The following LZTR1 variants were observed in gnomAD, a reference collection of about 807,000 sequenced individuals.
The protein encoded by LZTR1 is leucine zipper like post translational regulator 1.
A neutral mutation model predicts 105.7 loss-of-function variants in LZTR1; 260 were observed. The observed-to-expected ratio is 2.46, with a 90% CI of 2.22 to 2.72. The LOEUF (loss-of-function observed/expected upper bound fraction) is 2.72, where lower values mean the gene tolerates loss of function less well. Among genes scored for constraint, LZTR1 ranks in the 30% most tolerant of loss-of-function variants. LZTR1 has a pLI of 0.00. For synonymous variants in LZTR1, 490 were observed against 476.4 expected, an observed-to-expected ratio of 1.03 and a Z score of -0.37; for missense variants, 1,214 against 1,166.9, an observed-to-expected ratio of 1.04 and a Z score of -0.59.
rs1456975132 is a variant in LZTR1 at position 20,994,151 on chromosome 22, G to T, written c.1497G>T (p.Val499=). ...AAPVPREAPG[V]AAGGARPPLL... ...CAGTTCCCAGGGAGGCCCCCGGCGT[G>T]GCTGCTGGTGGGGCCCGGCCGCCCC... The change falls in exon 14 of 21, where the codon GTG becomes GTT. Residue 499 remains valine (V), a synonymous_variant. Transcript: ENST00000646124. The T allele has an allele frequency of 6.3e-7, 1 of 1,595,780 alleles. No individual in the cohort carries two copies. Among genetic ancestry groups the T allele is most frequent in the Admixed American group, 1.7e-5 (1 of 58,274 alleles).
At position 20,992,886 on chromosome 22, in the gene LZTR1, G is replaced by A. The variant is rs1249544527; in HGVS notation, c.1242G>A (p.Gly414=). 3.7e-6 allele frequency: 6 copies of A among 1,605,420 alleles called. No individual in the cohort carries two copies. The highest frequency in any genetic ancestry group is 8.5e-7 in the Non-Finnish European group (1 of 1,175,522). The change falls in exon 11 of 21, where the codon GGG becomes GGA. Residue 414 remains glycine, a synonymous_variant. Transcript: ENST00000646124. ...CGGTGGACAACAACATCCGCAGCGG[G>A]GAGATGTACAGGTTCCAGGTGTGGG... ...GGTVDNNIRS[G]EMYRFQFSCY...
intron 15 of LZTR1, 50 bp from the exon 16 acceptor site, chr22:20,994,820 C>T: frequency 6.2e-7 from 1 of 1,610,656 alleles, no homozygotes; most frequent in Non-Finnish European, 8.5e-7. Context: ...CTCGCCCAGC[C>T]TGGGGCCCTG....
At chr22:20,983,209 G>A in intron 2 of LZTR1, 120 bp downstream of exon 2, 1 of 855,866 alleles carries the variant, frequency 1.2e-6, no homozygotes. Flanking sequence ...CTAAGCTTCA[G>A]TTTCCCCATC....
chr22:20,990,578 C>T, intron 8 of LZTR1, 53 bp downstream of exon 8: 1 of 1,546,296 alleles, frequency 6.5e-7, no homozygotes, highest in Non-Finnish European at 8.8e-7. Flanking sequence ...CCCTCGAATC[C>T]TTCTGAATAT....
At chr22:20,987,736 G>A (rs1012769102) in intron 4 of LZTR1, among the ~76,000 whole-genome samples, 153 bp downstream of exon 4, 6 of 152,252 alleles carry the variant, frequency 3.9e-5, no homozygotes, top group African/African-American at 7.2e-5. Context: ...GGAATTCTGC[G>A]CTGGATCTGG....
At position 20,996,030 on chromosome 22, in the gene LZTR1, A is replaced by G. The variant is rs1400606234; in HGVS notation, c.2137A>G (p.Met713Val). 6 of 1,613,598 alleles carry G rather than the reference A, an allele frequency of 3.7e-6. No homozygotes were observed. The highest frequency in any genetic ancestry group is 5.1e-6 in the Non-Finnish European group (6 of 1,180,006). The part of the protein sequence containing the change: ...DGQVNISIGE[M>V]VPSRQAFESM... ...GCAGGTGAACATCTCCATCGGGGAG[A>G]TGGTGCCCAGCAGGCAGGCCTTCGA... Residue 713 changes from methionine to valine, a missense_variant, in exon 18 of 21, where the codon ATG (methionine) becomes GTG (valine). Transcript: ENST00000646124.
At position 20,996,125 on chromosome 22, in the gene LZTR1, C is replaced by T. The variant is rs144005025; in HGVS notation, c.2219+13C>T. The T allele has an allele frequency of 0.012, 20,042 of 1,610,034 alleles. 145 individuals are homozygous for T. The highest frequency in any genetic ancestry group is 0.014 in the Non-Finnish European group (17,089 of 1,178,968). On this transcript the variant is annotated intron_variant, in intron 18 of 20. Coordinates refer to ENST00000646124, the MANE Select transcript of LZTR1 (RefSeq NM_006767.4). ...CCGAGGACTCGCTGCATCCTCACTC[C>T]CCAGTGAACTCCCAGGTCCCCACCA... is the stretch of plus-strand genomic sequence containing the variant.
At chr22:20,984,618 G>T (rs73879460) in intron 2 of LZTR1, among the ~76,000 whole-genome samples, 1 of 105,832 alleles carries the variant, frequency 9.4e-6, no homozygotes, top group African/African-American at 4.2e-5. Context: ...TAAGGAGGGG[G>T]GGGGGGCGGT....
Position 20,990,490 on chromosome 22 carries a change from C to A in LZTR1, c.756C>A (p.Thr252=). Residue 252 remains threonine (T), a synonymous_variant, in exon 8 of 21, where the codon ACC becomes ACA. Coordinates refer to ENST00000646124, the MANE Select transcript of LZTR1 (RefSeq NM_006767.4). ...CTGGGCAAAGCGGAGCCAAAATAAC[C>A]AACAACCTCTTCCAGTTTGAATTCA... ...VFSGQSGAKI[T]NNLFQFEFKD... The A allele has an allele frequency of 6.2e-7, 1 of 1,613,726 alleles. No homozygotes were observed. The highest frequency in any genetic ancestry group is 8.5e-7 in the Non-Finnish European group (1 of 1,179,834).
Position 20,987,556 on chromosome 22 carries a change from G to A in LZTR1, c.373G>A (p.Val125Ile), listed in dbSNP as rs775434314. 56 of 1,613,980 alleles carry A rather than the reference G, an allele frequency of 3.5e-5. No individual in the cohort carries two copies. The highest frequency in any genetic ancestry group is 1.1e-4 in the African/African-American group (8 of 74,912). Residue 125 changes from valine (V) to isoleucine (I), a missense_variant, in exon 4 of 21, where the codon GTC becomes ATC. Transcript: ENST00000646124. ...CCCCCGTTACCACCACTCGGCCGTC[G>A]TCTATGGGAGCAGCATGTTTGTCTT... is the stretch of plus-strand genomic sequence containing the variant. Reference protein sequence around the residue: ...PAPRYHHSAVVYGSSMFVFGG... With the variant: ...PAPRYHHSAVIYGSSMFVFGG...
chr22:20,994,527 C>T (rs1239208679), intron 14 of LZTR1, 31 bp from the exon 15 acceptor site: 12 of 1,599,632 alleles, frequency 7.5e-6, no homozygotes, highest in Non-Finnish European at 1.0e-5. Context: ...CCCTCTCCGG[C>T]TCCCTGAGAT....
chr22:20,986,765 A>G (rs1243687352), intron 3 of LZTR1: 1 of 152,268 alleles, frequency 6.6e-6, no homozygotes, highest in South Asian at 2.1e-4. Flanking sequence ...ATAGATAGGT[A>G]TTAAATGAAA....
In LZTR1 at chr22:20,982,451, G is replaced by C. The variant is rs776383010; in HGVS notation, c.80G>C (p.Ser27Thr). The change falls in exon 1 of 21, where the codon AGC (serine) becomes ACC (threonine). Residue 27 changes from serine to threonine, a missense_variant. Physicochemically the swap from Ser to Thr is moderately conservative, Grantham distance 58. Transcript: ENST00000646124. ...AGGARSKVAP[S>T]VDFDHSCSDS... Reference sequence around the variant, plus strand: ...GGCGCGCGGTCCAAGGTAGCCCCGAGCGTGGACTTCGACCATAGCTGCTCG... The same window carrying C: ...GGCGCGCGGTCCAAGGTAGCCCCGACCGTGGACTTCGACCATAGCTGCTCG... 2.5e-6 allele frequency: 4 copies of C among 1,598,654 alleles called. No individual in the cohort carries two copies. In the Admixed American group the frequency reaches 6.9e-5, roughly 28 times the overall value.
Position 20,987,584 on chromosome 22 carries a change from G to GT in LZTR1, c.400+2dup. 6.2e-7 allele frequency: 1 copy of GT among 1,614,004 alleles called. No individual in the cohort carries two copies. The highest frequency in any genetic ancestry group is 8.5e-7 in the Non-Finnish European group (1 of 1,179,930). ...TATGGGAGCAGCATGTTTGTCTTTG[G>GT]TAAGCAGCCTCTTGCCTCCCAGGGG... On this transcript the variant is annotated splice_donor_variant, in intron 4 of 20. Coordinates refer to ENST00000646124, the MANE Select transcript of LZTR1 (RefSeq NM_006767.4). LOFTEE classifies it high-confidence loss of function.
At chr22:20,993,605 C>T (rs1001752520) in intron 11 of LZTR1, 57 bp from the exon 12 acceptor site, 7 of 1,489,154 alleles carry the variant, frequency 4.7e-6, no homozygotes, top group African/African-American at 1.4e-5. Flanking sequence ...CCTGCACAGC[C>T]ACACTGGGGC....
chr22:20,994,320 A>G (rs1924731195), intron 14 of LZTR1, 51 bp downstream of exon 14: 1 of 1,569,748 alleles, frequency 6.4e-7, no homozygotes, highest in African/African-American at 1.3e-5. Context: ...GGGTGCGGGC[A>G]GCAGAGCCAA....
Position 20,997,674 on chromosome 22 carries a change from A to C in LZTR1, c.*326A>C, listed in dbSNP as rs923299827. 1 of 240,198 alleles carries C rather than the reference A, an allele frequency of 4.2e-6. No individual in the cohort carries two copies. Among genetic ancestry groups the C allele is most frequent in the Non-Finnish European group, 8.3e-6 (1 of 120,476 alleles). The allele number at this position is 240,198 out of a possible 1,614,324, so 14.9% of individuals were successfully genotyped here. On this transcript the variant is annotated 3_prime_UTR_variant, in exon 21 of 21. Coordinates refer to ENST00000646124, the MANE Select transcript of LZTR1 (RefSeq NM_006767.4). Reference sequence around the variant, plus strand: ...GGGAGAGACTTTGGGCCTCCCACCCAGTGGGGCTTGGCCTGGCTTCTGTGG... The same window carrying C: ...GGGAGAGACTTTGGGCCTCCCACCCCGTGGGGCTTGGCCTGGCTTCTGTGG...
In LZTR1 at chr22:20,995,955, G is replaced by T. The variant is rs768003361; in HGVS notation, c.2070-8G>T. ...GACGGCCAGGTGCCTACCGCTCGTT[G>T]TCTGCAGCTACTTTGAAGCCATGTT... On this transcript the variant is annotated splice_polypyrimidine_tract_variant and splice_region_variant and intron_variant, in intron 17 of 20. Transcript: ENST00000646124. The T allele has an allele frequency of 1.9e-6, 3 of 1,613,638 alleles. No individual in the cohort carries two copies. In the African/African-American group the frequency reaches 4.0e-5, roughly 22 times the overall value.
chr22:20,983,225 G>C, intron 2 of LZTR1, 136 bp downstream of exon 2: 1 of 754,110 alleles, frequency 1.3e-6, no homozygotes, highest in Non-Finnish European at 2.3e-6. Flanking sequence ...CCATCTGTGA[G>C]ATTCCTTGCA....
Sources: gnomAD v4.1 joint callset for allele counts (sites outside exome capture counted in the v4.1 genomes callset) on GRCh38, gnomAD v4.1.1 for gene constraint, MANE v1.5 for transcripts, NCBI Gene and HGNC (gene_info 2026-07-23, HGNC 2026-07-21) for gene names.